Variants in ST8SIA2 observed in about 807,000 individuals in gnomAD.
ST8SIA2 encodes alpha-2,8-sialyltransferase 8B.
A neutral mutation model predicts 37.6 loss-of-function variants in ST8SIA2; 22 were observed. The ratio of observed to expected loss-of-function variants is 0.58; its 90% CI spans 0.42 to 0.83. ST8SIA2 has a LOEUF of 0.83. Ranked by LOEUF, ST8SIA2 falls within the 40% of genes least tolerant of loss-of-function variation. The pLI is 0.00. For missense variants in ST8SIA2, 382 were observed against 484.7 expected, an observed-to-expected ratio of 0.79 and a Z score of 1.99; for synonymous variants, 205 against 201.2, an observed-to-expected ratio of 1.02 and a Z score of -0.16.
intron 5 of ST8SIA2, among the ~76,000 whole-genome samples, chr15:92,448,533 G>T (rs937682748): frequency 3.9e-5 from 6 of 152,230 alleles, no homozygotes; most frequent in African/African-American, 9.6e-5. Context: ...ATGGGCTTTG[G>T]CAGTAGCGAC....
At chr15:92,425,466 G>A (rs867423478) in intron 1 of ST8SIA2, among the ~76,000 whole-genome samples, 1 of 152,214 alleles carries the variant, frequency 6.6e-6, no homozygotes, top group Non-Finnish European at 1.5e-5. Flanking sequence ...ACTGTGCAAG[G>A]CTAAGAAAGT....
rs1489801258 is a variant in ST8SIA2 at position 92,466,133 on chromosome 15, A to G, written c.*1748A>G. ...GCAGAACCATTAACCCTACACAAGAACACTCCAGCCCAAAACCGTGAGGAA... is the reference window on the plus strand; with the variant it reads ...GCAGAACCATTAACCCTACACAAGAGCACTCCAGCCCAAAACCGTGAGGAA... On this transcript the variant is annotated 3_prime_UTR_variant, in exon 6 of 6. Coordinates refer to ENST00000268164, the MANE Select transcript of ST8SIA2 (RefSeq NM_006011.4). 1 of 152,128 alleles carries G rather than the reference A, an allele frequency of 6.6e-6. No individual in the cohort carries two copies. The highest frequency in any genetic ancestry group is 1.5e-5 in the Non-Finnish European group (1 of 68,030). The allele number at this position is 152,128 out of a possible 1,614,324, so 9.4% of individuals were successfully genotyped here.
At chr15:92,458,126 A>G (rs1423462764) in intron 5 of ST8SIA2, among the ~76,000 whole-genome samples, 2 of 152,236 alleles carry the variant, frequency 1.3e-5, no homozygotes, top group Non-Finnish European at 2.9e-5. Flanking sequence ...CTGAGACTCC[A>G]GCACTTTAGC....
At chr15:92,427,260 CAAAAAAAAAAA>C (rs55783719) in intron 1 of ST8SIA2, among the ~76,000 whole-genome samples, 2 of 102,644 alleles carry the variant, frequency 1.9e-5, no homozygotes, top group Non-Finnish European at 4.2e-5. Context: ...GGGCACTTGG[CAAAAAAAAAAA>C]AAAAAAAAAG....
intron 4 of ST8SIA2, 74 bp downstream of exon 4, chr15:92,438,684 T>C: frequency 6.1e-6 from 9 of 1,479,620 alleles, no homozygotes; most frequent in Non-Finnish European, 8.0e-6. Context: ...TTGCCAGCTG[T>C]CCCAAGAGAT....
At chr15:92,463,702 C>A (rs11629679) in intron 5 of ST8SIA2, among the ~76,000 whole-genome samples, 41,585 of 152,112 alleles carry the variant, frequency 0.27, 5,750 homozygotes, top group East Asian at 0.37. Flanking sequence ...AAAGCCAAAA[C>A]TATTGATCAT....
intron 5 of ST8SIA2, among the ~76,000 whole-genome samples, chr15:92,450,048 A>G (rs2049871024): frequency 6.6e-6 from 1 of 152,218 alleles, no homozygotes; most frequent in South Asian, 2.1e-4. Context: ...GTGTTTGGCA[A>G]TGGTCTTTTA....
At position 92,415,721 on chromosome 15, in the gene ST8SIA2, T is replaced by C. The variant is rs147340515; in HGVS notation, c.99-14328T>C. On this transcript the variant is annotated intron_variant, in intron 1 of 5. Coordinates refer to ENST00000268164, the MANE Select transcript of ST8SIA2 (RefSeq NM_006011.4). ...TTGAGTTTTAAACAGTAGCCTCTGA[T>C]TTTAAAAAGGTCGAACATGCAAGCC... Among the ~76,000 whole-genome samples the C allele has an allele frequency of 3.2e-3, 493 of 152,254 alleles. 4 individuals carry two copies. Among genetic ancestry groups the C allele is most frequent in the African/African-American group, 0.011 (472 of 41,546 alleles).
At chr15:92,444,977 G>A in intron 5 of ST8SIA2, 48 bp downstream of exon 5, 1 of 1,600,056 alleles carries the variant, frequency 6.2e-7, no homozygotes, top group African/African-American at 1.3e-5. Context: ...AAGTGTGGGA[G>A]ATTCTTGGTA....
At chr15:92,430,830 A>T (rs1394002316) in intron 2 of ST8SIA2, among the ~76,000 whole-genome samples, 1 of 152,214 alleles carries the variant, frequency 6.6e-6, no homozygotes, top group Admixed American at 6.5e-5. Flanking sequence ...AACAAAGGCT[A>T]CTACTCAAAA....
intron 5 of ST8SIA2, among the ~76,000 whole-genome samples, chr15:92,446,318 G>A (rs2049842658): frequency 6.6e-6 from 1 of 152,190 alleles, no homozygotes; most frequent in South Asian, 2.1e-4. Flanking sequence ...CGTGTACATG[G>A]TGGCCCAGGC....
chr15:92,418,119 G>C (rs1359602676), intron 1 of ST8SIA2, among the ~76,000 whole-genome samples: 1 of 151,976 alleles, frequency 6.6e-6, no homozygotes, highest in Non-Finnish European at 1.5e-5. Flanking sequence ...TAACCTTTTT[G>C]AGCCTGGGTG....
chr15:92,397,150 T>C (rs1410132653), intron 1 of ST8SIA2, among the ~76,000 whole-genome samples: 3 of 152,198 alleles, frequency 2.0e-5, no homozygotes, highest in Non-Finnish European at 4.4e-5. Context: ...AGAAGGAACC[T>C]CTTTTGGGGG....
chr15:92,395,325 T>A (rs573231912), intron 1 of ST8SIA2, among the ~76,000 whole-genome samples: 2 of 152,316 alleles, frequency 1.3e-5, no homozygotes, highest in African/African-American at 4.8e-5. Flanking sequence ...CTTCATTTGT[T>A]ATCTGTGCTA....
In ST8SIA2 at chr15:92,443,917, G is replaced by A. The variant is rs1334707836; in HGVS notation, c.549-719G>A. ...CCGGGAATCTATATTTTTAACGAGC[G>A]CCTGGGGTGATTCTTCTGACTTGGC... On this transcript the variant is annotated intron_variant, in intron 4 of 5. Transcript: ENST00000268164. Among the ~76,000 whole-genome samples the A allele has an allele frequency of 5.9e-5, 9 of 152,092 alleles. No homozygotes were observed. The South Asian group carries it at 1.5e-3, about 25-fold the overall frequency.
chr15:92,404,367 A>G (rs770965659), intron 1 of ST8SIA2, among the ~76,000 whole-genome samples: 47 of 152,192 alleles, frequency 3.1e-4, no homozygotes, highest in Non-Finnish European at 5.9e-4. Flanking sequence ...GGGGTTAATG[A>G]TACCCAACTT....
intron 1 of ST8SIA2, among the ~76,000 whole-genome samples, chr15:92,419,255 CAGA>C (rs1306846423): frequency 6.6e-6 from 1 of 152,136 alleles, no homozygotes; most frequent in Admixed American, 6.5e-5. Context: ...CAGGCAGGCT[CAGA>C]AGAAGCAGGG....
In ST8SIA2 at chr15:92,403,668, G is replaced by A. The variant is rs61512337; in HGVS notation, c.98+9506G>A. Among the ~76,000 whole-genome samples the A allele has an allele frequency of 5.0e-4, 76 of 152,228 alleles. 1 individual carries two copies. In the East Asian group the frequency reaches 0.013, roughly 27 times the overall value. ...GCCAGAGTAGCTTAATAATGAAGGC[G>A]GGAGGCATAAGATGTCTGGAGAAAG... On this transcript the variant is annotated intron_variant, in intron 1 of 5. Transcript: ENST00000268164.
intron 5 of ST8SIA2, among the ~76,000 whole-genome samples, chr15:92,451,672 G>C (rs765287374): frequency 2.6e-5 from 4 of 152,164 alleles, no homozygotes; most frequent in Non-Finnish European, 5.9e-5. Flanking sequence ...TAGGAAAACA[G>C]CTGAGGGGCA....
Sources: gnomAD v4.1 joint callset for allele counts (sites outside exome capture counted in the v4.1 genomes callset) on GRCh38, gnomAD v4.1.1 for gene constraint, MANE v1.5 for transcripts, NCBI Gene and HGNC (gene_info 2026-07-23, HGNC 2026-07-21) for gene names.